Variants in TJAP1 observed in about 807,000 individuals in gnomAD.
TJAP1 encodes the protein tight junction-associated protein 1.
TJAP1 carries 27 observed loss-of-function variants against 42.0 expected under a neutral mutation model. The observed-to-expected ratio is 0.64, with a 90% CI of 0.47 to 0.89. The LOEUF (loss-of-function observed/expected upper bound fraction) is 0.89. TJAP1 is among the 40% of genes least tolerant of loss of function. The probability of loss-of-function intolerance (pLI) is 0.00; values close to 1 mark genes in which losing one functional copy is unlikely to be tolerated. For missense variants in TJAP1, 712 were observed against 726.9 expected, an observed-to-expected ratio of 0.98 and a Z score of 0.24; for synonymous variants, 257 against 288.4, an observed-to-expected ratio of 0.89 and a Z score of 1.10.
Position 43,505,610 on chromosome 6 carries a change from T to G in TJAP1, c.1429T>G (p.Ser477Ala), listed in dbSNP as rs1266146266. The G allele has an allele frequency of 6.2e-7, 1 of 1,613,492 alleles. No homozygotes were observed. The change falls in exon 11 of 11, where the codon TCT becomes GCT. Residue 477 changes from serine (S) to alanine (A), a missense_variant. Ser to Ala is a moderately conservative substitution (Grantham distance 99). This residue lies in a region of TJAP1 where 549 missense variants were observed against 528.2 expected (regional missense o/e 1.04). Transcript: ENST00000372449. The surrounding 1 kb of genome is among the most constrained non-coding windows in gnomAD (Gnocchi z 5.5). ...GCTTTTGCTACCCACAGAACCTGAC[T>G]CTGGCTTTCCCAGGGAGGAAGAAGA...
At chr6:43,481,492 C>A (rs61018535) in intron 2 of TJAP1, among the ~76,000 whole-genome samples, 18,301 of 136,816 alleles carry the variant, frequency 0.13, 2,827 homozygotes, top group African/African-American at 0.37. Context: ...ACCCCCCCCC[C>A]AAAAAAAAAC....
intron 2 of TJAP1, among the ~76,000 whole-genome samples, chr6:43,496,507 CAG>C (rs747564388): frequency 3.3e-5 from 5 of 152,228 alleles, no homozygotes; most frequent in South Asian, 2.1e-4. Flanking sequence ...TGCCTCCTGT[CAG>C]GGGGAGGAGG....
intron 5 of TJAP1, 33 bp from the exon 6 acceptor site, chr6:43,501,493 C>T: frequency 1.3e-6 from 2 of 1,595,846 alleles, no homozygotes; most frequent in Non-Finnish European, 1.7e-6. Flanking sequence ...TCTCTCATAC[C>T]CCTCTGCCCT....
rs759065077 is a variant in TJAP1, at chr6:43,505,719, C to T, written c.1538C>T (p.Ser513Phe). 3 of 1,573,020 alleles carry T rather than the reference C, an allele frequency of 1.9e-6. No homozygotes were observed. The highest frequency in any genetic ancestry group is 2.3e-5 in the South Asian group (2 of 85,616). The change falls in exon 11 of 11, where the codon TCC (serine) becomes TTC (phenylalanine). Residue 513 changes from serine (S) to phenylalanine (F), a missense_variant. Transcript: ENST00000372449. This position sits in a 1 kb window ranked among gnomAD's most constrained non-coding sequence, Gnocchi z 5.5. Reference sequence around the variant, plus strand: ...GGCACAGAGGAGGGGCCAGGCACTTCCCACACCGAGGGCAGGGCCTGGCCA... The same window carrying T: ...GGCACAGAGGAGGGGCCAGGCACTTTCCACACCGAGGGCAGGGCCTGGCCA...
intron 2 of TJAP1, among the ~76,000 whole-genome samples, chr6:43,493,970 ACAGAT>A: frequency 6.6e-6 from 1 of 152,292 alleles, no homozygotes; most frequent in East Asian, 1.9e-4. Context: ...AGCTTCTGGT[ACAGAT>A]CATGCCTTAC....
At chr6:43,501,947 T>C (rs1020267452) in intron 6 of TJAP1, among the ~76,000 whole-genome samples, 5 of 149,220 alleles carry the variant, frequency 3.4e-5, no homozygotes, top group Admixed American at 2.0e-4. Flanking sequence ...TCTCTCTCTC[T>C]CTCTCTCTCC....
chr6:43,503,210 A>ACC, intron 8 of TJAP1, 191 bp from the exon 9 acceptor site: 1 of 595,018 alleles, frequency 1.7e-6, no homozygotes, highest in East Asian at 2.8e-5. Context: ...GAAAGCCCCC[A>ACC]CCCCACAGCC....
chr6:43,488,635 CCATGT>C (rs1391470415), intron 2 of TJAP1, among the ~76,000 whole-genome samples: 4 of 152,180 alleles, frequency 2.6e-5, no homozygotes, highest in Non-Finnish European at 1.5e-5. Flanking sequence ...CTTGAATTAG[CCATGT>C]CACTTGCTGC....
intron 8 of TJAP1, 86 bp downstream of exon 8, chr6:43,502,703 T>C: frequency 7.0e-7 from 1 of 1,434,352 alleles, no homozygotes; most frequent in South Asian, 1.2e-5. Context: ...GCTGTTACCC[T>C]GTGCCCCTTG....
chr6:43,484,818 C>T (rs574100236), intron 2 of TJAP1, among the ~76,000 whole-genome samples: 38 of 152,274 alleles, frequency 2.5e-4, no homozygotes, highest in African/African-American at 8.4e-4. Flanking sequence ...CTCCACCTCC[C>T]GGGTTCAGGC....
Position 43,501,518 on chromosome 6 carries a change from C to T in TJAP1, c.129-8C>T. 9 of 1,611,566 alleles carry T rather than the reference C, an allele frequency of 5.6e-6. No homozygotes were observed. The highest frequency in any genetic ancestry group is 7.6e-6 in the Non-Finnish European group (9 of 1,179,046). ...CCCTCTGCCCTTGATCCCACAACAC[C>T]CTGCCAGGCTCTTACAGGAGGAGAA... On this transcript the variant is annotated splice_region_variant and splice_polypyrimidine_tract_variant and intron_variant, in intron 5 of 10. Transcript: ENST00000372449.
In TJAP1 at chr6:43,505,964, C is replaced by T; in HGVS notation, c.*109C>T. 1.7e-6 allele frequency: 2 copies of T among 1,209,666 alleles called. No homozygotes were observed. The allele number at this position is 1,209,666 out of a possible 1,614,324, so 74.9% of individuals were successfully genotyped here. A position where few individuals can be genotyped will look rare whatever the true frequency, so the allele number is the denominator to read the frequency against. On this transcript the variant is annotated 3_prime_UTR_variant, in exon 11 of 11. Coordinates refer to ENST00000372449, the Ensembl canonical transcript of TJAP1. The surrounding 1 kb of genome is among the most constrained non-coding windows in gnomAD (Gnocchi z 5.5). ...GCCCTTGACCTCTCCTCTATCCAGA[C>T]CCGCACAGCTGTTTCCTGTGTGGAT...
Position 43,481,493 on chromosome 6 carries a change from A to C in TJAP1, c.-122+3261A>C, listed in dbSNP as rs868310402. Among the ~76,000 whole-genome samples the C allele has an allele frequency of 2.0e-3, 244 of 121,642 alleles. 2 individuals are homozygous for C. Among genetic ancestry groups the C allele is most frequent in the South Asian group, 9.9e-3 (33 of 3,340 alleles). The allele number at this position is 121,642 out of a possible 152,430, so 79.8% of individuals were successfully genotyped here. On this transcript the variant is annotated intron_variant, in intron 2 of 10. Transcript: ENST00000372449. Reference sequence around the variant, plus strand: ...AATAGCAAGACATCACCCCCCCCCCAAAAAAAAACTTAACAGTCAATGTCT... The same window carrying C: ...AATAGCAAGACATCACCCCCCCCCCCAAAAAAAACTTAACAGTCAATGTCT...
chr6:43,488,366 GAGA>G (rs1787038334), intron 2 of TJAP1, among the ~76,000 whole-genome samples: 1 of 152,200 alleles, frequency 6.6e-6, no homozygotes, highest in African/African-American at 2.4e-5. Flanking sequence ...GGGAGGGATG[GAGA>G]AGTTTTACTA....
At chr6:43,486,840 T>G (rs2127505622) in intron 2 of TJAP1, among the ~76,000 whole-genome samples, 1 of 152,342 alleles carries the variant, frequency 6.6e-6, no homozygotes, top group Non-Finnish European at 1.5e-5. Context: ...TACAACCTTG[T>G]TAATGCCCAG....
At chr6:43,503,767 C>T (rs763544872) in intron 10 of TJAP1, 61 bp downstream of exon 10, 74 of 1,439,530 alleles carry the variant, frequency 5.1e-5, no homozygotes, top group Non-Finnish European at 7.1e-5. Context: ...TAGGACTCCT[C>T]TAACTCCAGT....
At chr6:43,488,323 C>T (rs1437470328) in intron 2 of TJAP1, among the ~76,000 whole-genome samples, 4 of 152,244 alleles carry the variant, frequency 2.6e-5, no homozygotes, top group South Asian at 2.1e-4. Context: ...GCCTCCTTCC[C>T]AGTCGAGTGA....
intron 2 of TJAP1, among the ~76,000 whole-genome samples, chr6:43,482,379 C>G (rs560758219): frequency 6.6e-6 from 1 of 152,176 alleles, no homozygotes; most frequent in South Asian, 2.1e-4. Flanking sequence ...TTTTGAATGC[C>G]AACGACCTCT....
chr6:43,499,641 C>T (rs1790060452), intron 4 of TJAP1, among the ~76,000 whole-genome samples: 1 of 152,372 alleles, frequency 6.6e-6, no homozygotes, highest in Middle Eastern at 3.4e-3. Context: ...GGCCTATAGT[C>T]AGCTGCAAAA....
Sources: allele counts gnomAD v4.1 joint callset (sites outside exome capture counted in the v4.1 genomes callset), GRCh38; gene constraint gnomAD v4.1.1; regional missense constraint gnomAD v4.1.1; non-coding constraint Gnocchi (gnomAD v3.1); transcripts MANE v1.5; gene names NCBI Gene and HGNC (gene_info 2026-07-23, HGNC 2026-07-21).